The following ERI1 variants were observed in gnomAD, a reference collection of about 807,000 sequenced individuals.
ERI1 encodes the protein exoribonuclease 1.
ERI1 carries 39 observed loss-of-function variants against 39.7 expected under a neutral mutation model. The ratio of observed to expected loss-of-function variants is 0.98; its 90% confidence interval spans 0.76 to 1.28. The LOEUF (loss-of-function observed/expected upper bound fraction) is 1.28. Ranked by LOEUF, ERI1 falls within the 50% of genes most tolerant of loss-of-function variation. The pLI is 0.00. For missense variants in ERI1, 581 were observed against 416.9 expected, an observed-to-expected ratio of 1.39 and a Z score of -3.43; for synonymous variants, 204 against 149.6, an observed-to-expected ratio of 1.36 and a Z score of -2.65.
intron 3 of ERI1, among the ~76,000 whole-genome samples, chr8:9,094,633 G>T (rs1024494616): frequency 6.6e-6 from 1 of 152,180 alleles, no homozygotes; most frequent in African/African-American, 2.4e-5. Context: ...CTGTGTGCTA[G>T]TTGGGGAACA....
At chr8:9,063,167 A>G (rs991227736) in intron 3 of ERI1, among the ~76,000 whole-genome samples, 5 of 152,210 alleles carry the variant, frequency 3.3e-5, no homozygotes, top group Non-Finnish European at 7.3e-5. Context: ...GGGTAATAAA[A>G]TAAATGTATA....
At chr8:9,094,532 C>T (rs967840695) in intron 3 of ERI1, among the ~76,000 whole-genome samples, 16 of 152,226 alleles carry the variant, frequency 1.1e-4, no homozygotes, top group Admixed American at 2.0e-4. Context: ...TCTGTTCCCT[C>T]TCCTTCTCTG....
intron 3 of ERI1, among the ~76,000 whole-genome samples, chr8:9,014,291 T>C (rs1392559820): frequency 6.6e-6 from 1 of 152,232 alleles, no homozygotes; most frequent in African/African-American, 2.4e-5. Context: ...GGCTGATGTT[T>C]TTCTCCTTCT....
downstream of ERI1, among the ~76,000 whole-genome samples, chr8:9,037,255 C>T (rs1018598873): frequency 6.6e-6 from 1 of 152,160 alleles, no homozygotes; most frequent in Non-Finnish European, 1.5e-5. Context: ...GTAATAGTTA[C>T]TCCCCTCACC....
At chr8:9,091,694 AAAGAATCCC>A (rs1563100492) in intron 3 of ERI1, among the ~76,000 whole-genome samples, 10 of 152,210 alleles carry the variant, frequency 6.6e-5, no homozygotes. Flanking sequence ...AGAGTTTTCA[AAAGAATCCC>A]AAGGGAAAGC....
intron 3 of ERI1, among the ~76,000 whole-genome samples, chr8:9,045,823 T>A (rs951303185): frequency 6.6e-6 from 1 of 151,786 alleles, no homozygotes; most frequent in Non-Finnish European, 1.5e-5. Context: ...ATTACAGGCA[T>A]GCATCACCAC....
chr8:9,024,327 C>T (rs1313685067), intron 6 of ERI1, among the ~76,000 whole-genome samples: 3 of 152,110 alleles, frequency 2.0e-5, no homozygotes, highest in Admixed American at 6.5e-5. Context: ...TTTCTTTGTG[C>T]GTGGCATATC....
intron 3 of ERI1, among the ~76,000 whole-genome samples, chr8:9,047,028 A>G (rs751097118): frequency 1.4e-4 from 22 of 152,330 alleles, no homozygotes; most frequent in Non-Finnish European, 4.4e-5. Flanking sequence ...GAAACAATCA[A>G]TACTGCCCAA....
chr8:9,080,948 A>G (rs996515319), intron 3 of ERI1, among the ~76,000 whole-genome samples: 4 of 152,246 alleles, frequency 2.6e-5, no homozygotes, highest in South Asian at 4.1e-4. Context: ...TCACACTGCT[A>G]TAAGGATACT....
intron 1 of ERI1, 52 bp from the exon 2 acceptor site, chr8:9,007,918 T>G (rs1465020321): frequency 1.7e-5 from 26 of 1,546,572 alleles, no homozygotes; most frequent in African/African-American, 2.8e-5. Flanking sequence ...ATGTTTGTAC[T>G]AATTATAAAC....
chr8:9,058,665 A>G (rs966903658), intron 3 of ERI1, among the ~76,000 whole-genome samples: 1 of 152,172 alleles, frequency 6.6e-6, no homozygotes, highest in Non-Finnish European at 1.5e-5. Context: ...TGGCATAGGT[A>G]TTTCCTATCT....
At chr8:9,010,334 A>G (rs919332607) in intron 2 of ERI1, among the ~76,000 whole-genome samples, 1 of 152,192 alleles carries the variant, frequency 6.6e-6, no homozygotes, top group African/African-American at 2.4e-5. Context: ...AAAGATAAAA[A>G]AAGAAAGTAA....
At chr8:9,097,179 A>G (rs939516435) in intron 3 of ERI1, among the ~76,000 whole-genome samples, 5 of 151,932 alleles carry the variant, frequency 3.3e-5, no homozygotes, top group Middle Eastern at 3.4e-3. Context: ...TGACTATTCA[A>G]TCCCCAGCGC....
rs1444661210 is a variant in ERI1 at position 9,029,956 on chromosome 8, A to G, written c.972A>G (p.Ala324=). The G allele has an allele frequency of 1.9e-6, 3 of 1,614,194 alleles. No homozygotes were observed. Among genetic ancestry groups the G allele is most frequent in the Admixed American group, 1.7e-5 (1 of 60,016 alleles). ...TCCGAATCAACGAGAAAATGCATGC[A>G]GGACAGCTAATGAGTGTGTCCTCTT... ...CELRINEKMH[A]GQLMSVSSSL... is the part of the protein sequence containing the mutation. The change falls in exon 7 of 7, where the codon GCA becomes GCG. Residue 324 remains alanine, a synonymous_variant. Transcript: ENST00000250263.
In ERI1 at chr8:9,003,142, G is replaced by A; in HGVS notation, c.79G>A (p.Gly27Arg). ...GCTGGAGTCGCCGCGGCCGGAGGGC[G>A]GGGAGGAGCCGCCGCGTCCCAGTCC... is the stretch of plus-strand genomic sequence containing the variant. ...ALLESPRPEG[G>R]EEPPRPSPEE... Residue 27 changes from glycine to arginine, a missense_variant, in exon 1 of 7, where the codon GGG becomes AGG. Coordinates refer to ENST00000250263, the MANE Select transcript of ERI1 (RefSeq NM_153332.4). The A allele has an allele frequency of 8.0e-7, 1 of 1,244,552 alleles. No homozygotes were observed. Among genetic ancestry groups the A allele is most frequent in the Non-Finnish European group, 1.0e-6 (1 of 990,340 alleles). The allele number at this position is 1,244,552 out of a possible 1,614,324, so 77.1% of individuals were successfully genotyped here.
At chr8:9,046,475 C>A (rs1345874900) in intron 3 of ERI1, among the ~76,000 whole-genome samples, 1 of 152,208 alleles carries the variant, frequency 6.6e-6, no homozygotes, top group African/African-American at 2.4e-5. Flanking sequence ...TCCTTTATTT[C>A]TTTGAGAAAT....
chr8:9,084,171 A>G (rs1585295173), intron 3 of ERI1, among the ~76,000 whole-genome samples: 1 of 151,934 alleles, frequency 6.6e-6, no homozygotes. Flanking sequence ...CTGAGGCAGG[A>G]GGATCACCTG....
At chr8:9,075,484 A>C (rs1345138646) in intron 3 of ERI1, among the ~76,000 whole-genome samples, 1 of 140,600 alleles carries the variant, frequency 7.1e-6, no homozygotes, top group Non-Finnish European at 1.5e-5. Context: ...CATGCTGAAC[A>C]TGCCTTTTTT....
intron 6 of ERI1, among the ~76,000 whole-genome samples, chr8:9,021,271 G>A (rs113547100): frequency 6.6e-6 from 1 of 152,082 alleles, no homozygotes; most frequent in Admixed American, 6.6e-5. Flanking sequence ...AGTCTGTCAG[G>A]TTTTCTTTTT....
Sources: gnomAD v4.1 joint callset for allele counts (sites outside exome capture counted in the v4.1 genomes callset) on GRCh38, gnomAD v4.1.1 for gene constraint, MANE v1.5 for transcripts, NCBI Gene and HGNC (gene_info 2026-07-23, HGNC 2026-07-21) for gene names.